Variants in TMEM132D observed in about 807,000 individuals in gnomAD.
TMEM132D encodes the protein mature OL transmembrane protein.
In TMEM132D, 21 loss-of-function variants were observed where a neutral mutation model predicts 62.3. The ratio of observed to expected loss-of-function variants is 0.34; its 90% confidence interval spans 0.24 to 0.49. The LOEUF (loss-of-function observed/expected upper bound fraction) is 0.49, where lower values mean the gene tolerates loss of function less well. Among genes scored for constraint, TMEM132D ranks in the 20% least tolerant of loss-of-function variants. TMEM132D has a pLI of 0.99. For synonymous variants in TMEM132D, 621 were observed against 575.6 expected, an observed-to-expected ratio of 1.08 and a Z score of -1.13; for missense variants, 1,346 against 1,402.8, an observed-to-expected ratio of 0.96 and a Z score of 0.65.
intron 1 of TMEM132D, among the ~76,000 whole-genome samples, chr12:129,812,339 G>C (rs1233891037): frequency 6.6e-6 from 1 of 151,660 alleles, no homozygotes; most frequent in African/African-American, 2.4e-5. Context: ...CATCATGTTT[G>C]AAACCGTTCA....
intron 5 of TMEM132D, among the ~76,000 whole-genome samples, chr12:129,088,066 GGGGTGTCCTCCCTGACC>G (rs1460445869): frequency 5.0e-5 from 2 of 39,732 alleles, no homozygotes; most frequent in Non-Finnish European, 4.4e-5. Context: ...CTCCATGACC[GGGGTGTCCTCCCTGACC>G]GGGTGTCCTC....
At chr12:129,545,669 G>T in intron 2 of TMEM132D, among the ~76,000 whole-genome samples, 1 of 152,194 alleles carries the variant, frequency 6.6e-6, no homozygotes. Context: ...TGTTCTATGA[G>T]TTTAACCATT....
intron 5 of TMEM132D, among the ~76,000 whole-genome samples, chr12:129,183,802 T>G (rs546509440): frequency 1.4e-5 from 2 of 146,222 alleles, no homozygotes; most frequent in African/African-American, 5.5e-5. Flanking sequence ...GCTGTCCCCT[T>G]GGGTAGGGGC....
At chr12:129,307,335 CATT>C (rs1350735097) in intron 4 of TMEM132D, among the ~76,000 whole-genome samples, 5 of 152,232 alleles carry the variant, frequency 3.3e-5, no homozygotes, top group African/African-American at 4.8e-5. Context: ...TATCACCTGT[CATT>C]ATTATTGTTA....
At chr12:129,578,580 T>C (rs139281206) in intron 2 of TMEM132D, among the ~76,000 whole-genome samples, 74 of 152,134 alleles carry the variant, frequency 4.9e-4, no homozygotes, top group African/African-American at 1.8e-3. Flanking sequence ...TTATGCAGTA[T>C]TGGCATATTG....
At position 129,862,354 on chromosome 12, in the gene TMEM132D, C is replaced by T. The variant is rs114308415; in HGVS notation, c.79+40907G>A. 5.9e-3 allele frequency among the ~76,000 whole-genome samples: 905 copies of T among 152,328 alleles called. 15 individuals are homozygous for T. Among genetic ancestry groups the T allele is most frequent in the African/African-American group, 0.02 (841 of 41,570 alleles). On this transcript the variant is annotated intron_variant, in intron 1 of 8. Transcript: ENST00000422113. Reference sequence around the variant, plus strand: ...CTTGCTGGGGCTGGCTGAGGATTTCCATGCTGAAAGCAGACCCAGCCTTCA... The same window carrying T: ...CTTGCTGGGGCTGGCTGAGGATTTCTATGCTGAAAGCAGACCCAGCCTTCA...
intron 2 of TMEM132D, 100 bp from the exon 3 acceptor site, chr12:129,531,305 G>A: frequency 2.1e-6 from 3 of 1,409,930 alleles, no homozygotes; most frequent in Non-Finnish European, 2.8e-6. Context: ...ACCGTTGCCT[G>A]GCAGGTGTAA....
chr12:129,799,287 C>A lies in TMEM132D; in HGVS notation c.80-98589G>T, dbSNP rs188614146. 1.0e-3 allele frequency among the ~76,000 whole-genome samples: 141 copies of A among 135,238 alleles called. 1 individual carries two copies. Among genetic ancestry groups the A allele is most frequent in the Middle Eastern group, 3.6e-3 (1 of 276 alleles). The allele number at this position is 135,238 out of a possible 152,430, so 88.7% of individuals were successfully genotyped here. A position where few individuals can be genotyped will look rare whatever the true frequency, so the allele number is the denominator to read the frequency against. ...CAAGAGCGAGACTCCGTCTCAAAAA[C>A]AAACAAACAAACAAAAAATATATAT... On this transcript the variant is annotated intron_variant, in intron 1 of 8. Coordinates refer to ENST00000422113, the MANE Select transcript of TMEM132D (RefSeq NM_133448.3).
At chr12:129,228,272 G>A (rs544594541) in intron 4 of TMEM132D, among the ~76,000 whole-genome samples, 3 of 152,280 alleles carry the variant, frequency 2.0e-5, no homozygotes, top group Non-Finnish European at 2.9e-5. Context: ...CTGGTTTTGC[G>A]TGCTGAAAAT....
chr12:129,704,384 C>A (rs1881453757), intron 1 of TMEM132D, among the ~76,000 whole-genome samples: 1 of 152,234 alleles, frequency 6.6e-6, no homozygotes, highest in Admixed American at 6.5e-5. Context: ...AGGCAACCAG[C>A]TTTGCCATCA....
intron 4 of TMEM132D, among the ~76,000 whole-genome samples, chr12:129,311,514 C>A (rs1432507780): frequency 6.6e-6 from 1 of 152,166 alleles, no homozygotes; most frequent in Non-Finnish European, 1.5e-5. Flanking sequence ...GCACTGAGAA[C>A]AGTGGACAAG....
chr12:129,582,034 G>A (rs1052485098), intron 2 of TMEM132D, among the ~76,000 whole-genome samples: 1 of 152,192 alleles, frequency 6.6e-6, no homozygotes, highest in South Asian at 2.1e-4. Flanking sequence ...AGGTACAGAC[G>A]GGAGGGTCAG....
At chr12:129,392,582 G>A (rs1871316305) in intron 3 of TMEM132D, among the ~76,000 whole-genome samples, 1 of 152,194 alleles carries the variant, frequency 6.6e-6, no homozygotes, top group Non-Finnish European at 1.5e-5. Flanking sequence ...TTCACAAAGT[G>A]TGGTCCCCGG....
At chr12:129,685,281 CT>C (rs1040080005) in intron 2 of TMEM132D, among the ~76,000 whole-genome samples, 69 of 152,306 alleles carry the variant, frequency 4.5e-4, no homozygotes, top group African/African-American at 1.7e-3. Flanking sequence ...AAAATGGTTT[CT>C]TGGGCTGGGC....
intron 1 of TMEM132D, chr12:129,852,634 A>G (rs1039627895): frequency 7.2e-5 from 11 of 152,212 alleles, no homozygotes; most frequent in Non-Finnish European, 1.5e-5. Flanking sequence ...CCTATTGTGT[A>G]TTTAGGGGGC....
At chr12:129,776,942 G>T (rs777628695) in intron 1 of TMEM132D, among the ~76,000 whole-genome samples, 2 of 152,060 alleles carry the variant, frequency 1.3e-5, no homozygotes, top group African/African-American at 2.4e-5. Flanking sequence ...TTTGAATAGC[G>T]TCATTTCCAA....
At chr12:129,126,334 A>T (rs117939941) in intron 5 of TMEM132D, among the ~76,000 whole-genome samples, 92 of 147,314 alleles carry the variant, frequency 6.2e-4, no homozygotes, top group African/African-American at 1.9e-3. Flanking sequence ...TATCACTTTC[A>T]TTCTCTTGCC....
intron 5 of TMEM132D, among the ~76,000 whole-genome samples, chr12:129,172,455 T>C (rs1877761866): frequency 6.6e-6 from 1 of 152,264 alleles, no homozygotes; most frequent in African/African-American, 2.4e-5. Context: ...AGGCCTAGCT[T>C]TTGGCCTATC....
At chr12:129,651,192 C>T (rs548684556) in intron 2 of TMEM132D, among the ~76,000 whole-genome samples, 53 of 152,244 alleles carry the variant, frequency 3.5e-4, no homozygotes, top group African/African-American at 1.3e-3. Context: ...TCCTCTCTCC[C>T]ATCCAGCAAA....
Sources: allele counts gnomAD v4.1 joint callset (sites outside exome capture counted in the v4.1 genomes callset), GRCh38; gene constraint gnomAD v4.1.1; transcripts MANE v1.5; gene names NCBI Gene and HGNC (gene_info 2026-07-23, HGNC 2026-07-21).